The following TNRC6B variants were observed in gnomAD, a reference collection of about 807,000 sequenced individuals.
The protein encoded by TNRC6B is trinucleotide repeat-containing gene 6B protein.
TNRC6B carries 52 observed loss-of-function variants against 203.6 expected under a neutral mutation model. The ratio of observed to expected loss-of-function variants is 0.26; its 90% CI spans 0.20 to 0.32. The LOEUF (loss-of-function observed/expected upper bound fraction) is 0.32. Ranked by LOEUF, TNRC6B falls within the 10% of genes least tolerant of loss-of-function variation. The probability of loss-of-function intolerance (pLI) is 1.00; values close to 1 mark genes in which losing one functional copy is unlikely to be tolerated. For synonymous variants in TNRC6B, 838 were observed against 845.7 expected (o/e 0.99, Z 0.16); for missense variants, 1,923 against 2,286.2 (o/e 0.84, Z 3.24).
chr22:40,074,574 C>A (rs543883264), intron 1 of TNRC6B, among the ~76,000 whole-genome samples: 1 of 151,972 alleles, frequency 6.6e-6, no homozygotes, highest in Non-Finnish European at 1.5e-5. Flanking sequence ...GTCAGGAGAT[C>A]GAGACCATCC....
At chr22:40,263,139 A>G (rs2070412946) in intron 4 of TNRC6B, among the ~76,000 whole-genome samples, 1 of 152,194 alleles carries the variant, frequency 6.6e-6, no homozygotes, top group South Asian at 2.1e-4. Flanking sequence ...TTATTAACAG[A>G]TTTCAACTTA....
In TNRC6B at chr22:40,156,755, GTTTT is replaced by G. The variant is rs542249864; in HGVS notation, c.113+588_113+591del. ...TTAAGGGGTAATTGGTTTGTTGTTGGTTTTTTTTTTTTTTTTTTCTTGAGACGGA... is the reference window on the plus strand; with the variant it reads ...TTAAGGGGTAATTGGTTTGTTGTTGGTTTTTTTTTTTTTTCTTGAGACGGA... On this transcript the variant is annotated intron_variant, in intron 4 of 23. Coordinates refer to the TNRC6B transcript ENST00000301923. Among the ~76,000 whole-genome samples the G allele has an allele frequency of 1.0e-4, 14 of 134,996 alleles. 1 individual carries two copies. The East Asian group carries it at 1.5e-3, about 14-fold the overall frequency. The allele number at this position is 134,996 out of a possible 152,430, so 88.6% of individuals were successfully genotyped here.
chr22:40,323,057 G>A lies in TNRC6B; in HGVS notation c.5318G>A (p.Gly1773Glu). Residue 1773 changes from glycine to glutamate, a missense_variant, in exon 23 of 23, where the codon GGG (glycine) becomes GAG (glutamate). This residue lies in a region of TNRC6B where 126 missense variants were observed against 137.5 expected (regional missense o/e 0.92). Coordinates refer to ENST00000454349, the MANE Select transcript of TNRC6B (RefSeq NM_001162501.2). Reference protein sequence around the residue: ...LNLFGGSTGLGQWSSSAGGSS... With the variant: ...LNLFGGSTGLEQWSSSAGGSS... ...CTTTTTGGTGGGTCCACTGGGCTCG[G>A]GCAGTGGAGCAGCAGCGCTGGTGGC... 1 of 1,602,656 alleles carries A rather than the reference G, an allele frequency of 6.2e-7. No homozygotes were observed. The highest frequency in any genetic ancestry group is 2.2e-5 in the East Asian group (1 of 44,462).
chr22:40,188,922 A>G (rs1227974997), intron 1 of TNRC6B, among the ~76,000 whole-genome samples: 1 of 152,182 alleles, frequency 6.6e-6, no homozygotes, highest in Non-Finnish European at 1.5e-5. Flanking sequence ...CCAACCCACT[A>G]AATTGATTTA....
At chr22:40,140,278 T>A (rs1333813059) in intron 3 of TNRC6B, among the ~76,000 whole-genome samples, 1 of 152,142 alleles carries the variant, frequency 6.6e-6, no homozygotes, top group Non-Finnish European at 1.5e-5. Context: ...TTTTAACTGA[T>A]AACATATTTT....
intron 16 of TNRC6B, 42 bp downstream of exon 16, chr22:40,308,691 G>T: frequency 6.4e-7 from 1 of 1,566,198 alleles, no homozygotes; most frequent in Non-Finnish European, 8.6e-7. Context: ...ACCCACAGCA[G>T]GTCTTGATGA....
rs1043708075 is a variant in TNRC6B at position 40,322,941 on chromosome 22, A to T, written c.5202A>T (p.Thr1734=). The change falls in exon 23 of 23, where the codon ACA becomes ACT. Residue 1734 remains threonine (T), a synonymous_variant. Transcript: ENST00000454349. ...SRFLAQAQPP[T]PAATPSAPAA... Reference sequence around the variant, plus strand: ...TTCTGGCACAAGCTCAGCCCCCTACACCTGCAGCAACCCCAAGTGCGCCAG... The same window carrying T: ...TTCTGGCACAAGCTCAGCCCCCTACTCCTGCAGCAACCCCAAGTGCGCCAG... The T allele has an allele frequency of 1.2e-6, 2 of 1,613,330 alleles. No individual in the cohort carries two copies. The highest frequency in any genetic ancestry group is 2.7e-5 in the African/African-American group (2 of 74,882).
rs1039250792 is a variant in TNRC6B at position 40,078,318 on chromosome 22, T to A, written c.-121+33320T>A. Reference sequence around the variant, plus strand: ...GGGAAGATTGCTTGAGGCCAGGAGTTCAAGACCAGCCTGGGCAACATAGGG... The same window carrying A: ...GGGAAGATTGCTTGAGGCCAGGAGTACAAGACCAGCCTGGGCAACATAGGG... On this transcript the variant is annotated intron_variant, in intron 1 of 23. Transcript: ENST00000301923. Among the ~76,000 whole-genome samples the A allele has an allele frequency of 5.9e-5, 9 of 152,138 alleles. No homozygotes were observed. In the East Asian group the frequency reaches 1.7e-3, roughly 29 times the overall value.
chr22:40,279,800 A>G (rs2070699772), intron 9 of TNRC6B, among the ~76,000 whole-genome samples, 195 bp from the exon 10 acceptor site: 1 of 152,196 alleles, frequency 6.6e-6, no homozygotes, highest in Non-Finnish European at 1.5e-5. Context: ...AATAAATAAA[A>G]AGGACCCATG....
At chr22:40,101,097 A>G (rs1376635351) in intron 1 of TNRC6B, among the ~76,000 whole-genome samples, 8 of 151,808 alleles carry the variant, frequency 5.3e-5, no homozygotes, top group Non-Finnish European at 1.2e-4. Context: ...GGCTCAAGCA[A>G]TTCTCCTGCC....
chr22:40,209,429 GACAA>G (rs1010571454), intron 1 of TNRC6B, among the ~76,000 whole-genome samples: 18 of 152,158 alleles, frequency 1.2e-4, no homozygotes, highest in African/African-American at 4.3e-4. Context: ...TTGGAAATCA[GACAA>G]ACAAACCTAG....
intron 1 of TNRC6B, among the ~76,000 whole-genome samples, chr22:40,199,087 A>G (rs1180951398): frequency 6.6e-6 from 1 of 152,152 alleles, no homozygotes; most frequent in African/African-American, 2.4e-5. Context: ...ACCCAGAGTC[A>G]GTTTGAAGCG....
chr22:40,265,196 A>G lies in TNRC6B; in HGVS notation c.966A>G (p.Lys322=), dbSNP rs1389947842. 6.2e-7 allele frequency: 1 copy of G among 1,614,030 alleles called. No individual in the cohort carries two copies. Among genetic ancestry groups the G allele is most frequent in the African/African-American group, 1.3e-5 (1 of 75,058 alleles). The change falls in exon 5 of 23, where the codon AAA becomes AAG. Residue 322 remains lysine (K), a synonymous_variant. Coordinates refer to ENST00000454349, the MANE Select transcript of TNRC6B (RefSeq NM_001162501.2). ...TGGTCCAAGAAGGAACTTCTAGGAA[A>G]GGGGCATTGGAAACAGATAATAGTA... is the stretch of plus-strand genomic sequence containing the variant. ...PALVQEGTSR[K]GALETDNSNS...
At chr22:40,270,313 C>CT (rs372710238) in intron 6 of TNRC6B, 33 bp downstream of exon 6, 31,203 of 1,214,810 alleles carry the variant, frequency 0.026, 3 homozygotes, top group South Asian at 0.029. Flanking sequence ...TTGAGGGATC[C>CT]TTTTTTTTTT....
At chr22:40,298,125 AAAAAAT>A (rs372173266) in intron 12 of TNRC6B, among the ~76,000 whole-genome samples, 2,965 of 152,030 alleles carry the variant, frequency 0.02, 88 homozygotes, top group African/African-American at 0.069. Context: ...ACTCCATCTC[AAAAAAT>A]AAAAATAAAA....
chr22:40,054,622 ACT>A (rs1387551607), intron 1 of TNRC6B, among the ~76,000 whole-genome samples: 2 of 152,146 alleles, frequency 1.3e-5, no homozygotes, highest in Admixed American at 6.5e-5. Flanking sequence ...GAATAAAAAT[ACT>A]CTGTTTTATT....
chr22:40,287,817 A>T (rs2070808438), intron 12 of TNRC6B, among the ~76,000 whole-genome samples: 1 of 152,180 alleles, frequency 6.6e-6, no homozygotes, highest in African/African-American at 2.4e-5. Flanking sequence ...GGGTGGGTTG[A>T]GGTGAGGAGG....
intron 3 of TNRC6B, among the ~76,000 whole-genome samples, chr22:40,133,457 G>C (rs2068570670): frequency 6.6e-6 from 1 of 152,124 alleles, no homozygotes; most frequent in Non-Finnish European, 1.5e-5. Flanking sequence ...TTTTAACCTA[G>C]TTGAGGGAGG....
intron 3 of TNRC6B, among the ~76,000 whole-genome samples, chr22:40,153,040 G>C (rs1231165356): frequency 6.6e-6 from 1 of 151,974 alleles, no homozygotes; most frequent in Non-Finnish European, 1.5e-5. Flanking sequence ...AGGGGAGGCT[G>C]CAATGAGCCA....
Sources: allele counts gnomAD v4.1 joint callset (sites outside exome capture counted in the v4.1 genomes callset), GRCh38; gene constraint gnomAD v4.1.1; regional missense constraint gnomAD v4.1.1; transcripts MANE v1.5; gene names NCBI Gene and HGNC (gene_info 2026-07-23, HGNC 2026-07-21).